STK39: variants seen among roughly 807,000 people sequenced by gnomAD.
The protein encoded by STK39 is serine/threonine kinase 39.
STK39 carries 20 observed loss-of-function variants against 77.8 expected under a neutral mutation model. That is an observed-to-expected ratio of 0.26 (90% confidence interval 0.18 to 0.37). STK39 has a LOEUF of 0.37. Among genes scored for constraint, STK39 ranks in the 10% least tolerant of loss-of-function variants. The probability of loss-of-function intolerance (pLI) is 1.00; values close to 1 mark genes in which losing one functional copy is unlikely to be tolerated. For synonymous variants in STK39, 246 were observed against 234.1 expected (o/e 1.05, Z -0.47); for missense variants, 479 against 656.5 (o/e 0.73, Z 2.95).
intron 14 of STK39, among the ~76,000 whole-genome samples, chr2:168,032,724 A>G (rs1206182453): frequency 2.0e-5 from 3 of 152,256 alleles, no homozygotes; most frequent in Non-Finnish European, 4.4e-5. Flanking sequence ...ACAAAAAAAC[A>G]AAGCAAAACA....
At chr2:168,246,357 G>T (rs936596764) in intron 1 of STK39, among the ~76,000 whole-genome samples, 1 of 152,214 alleles carries the variant, frequency 6.6e-6, no homozygotes, top group Non-Finnish European at 1.5e-5. Context: ...CGAGCCCTGC[G>T]ACTCTGCCAG....
intron 10 of STK39, among the ~76,000 whole-genome samples, chr2:168,109,039 C>A (rs936392081): frequency 2.0e-5 from 3 of 152,124 alleles, no homozygotes; most frequent in Non-Finnish European, 4.4e-5. Flanking sequence ...AGGTTAGGTA[C>A]CTTGCCCTTT....
intron 1 of STK39, among the ~76,000 whole-genome samples, chr2:168,204,711 T>C (rs940328634): frequency 2.0e-5 from 3 of 152,236 alleles, no homozygotes; most frequent in Non-Finnish European, 2.9e-5. Context: ...GTCCCCATGC[T>C]AGAGTCTGAA....
intron 16 of STK39, among the ~76,000 whole-genome samples, chr2:167,997,393 G>A (rs938648973): frequency 1.3e-5 from 2 of 152,102 alleles, no homozygotes; most frequent in African/African-American, 4.8e-5. Context: ...GATTTCAAAA[G>A]GGAAAGAGGG....
chr2:168,246,836 A>AC (rs1690921964), intron 1 of STK39, among the ~76,000 whole-genome samples: 1 of 150,896 alleles, frequency 6.6e-6, no homozygotes, highest in African/African-American at 2.4e-5. Flanking sequence ...CCGCAACCAC[A>AC]CCCCACCCGC....
At chr2:167,996,517 C>T (rs1374324262) in intron 16 of STK39, among the ~76,000 whole-genome samples, 2 of 152,188 alleles carry the variant, frequency 1.3e-5, no homozygotes, top group East Asian at 1.9e-4. Context: ...CATAGCTTAG[C>T]GTCCAGCCCG....
chr2:167,969,928 T>C (rs1379980062), intron 16 of STK39, among the ~76,000 whole-genome samples: 4 of 152,158 alleles, frequency 2.6e-5, no homozygotes, highest in East Asian at 1.9e-4. Flanking sequence ...GGCCTCCTGC[T>C]CCTTCTCTCC....
intron 10 of STK39, among the ~76,000 whole-genome samples, chr2:168,118,330 T>C (rs1282817291): frequency 6.6e-6 from 1 of 152,154 alleles, no homozygotes; most frequent in Non-Finnish European, 1.5e-5. Context: ...CTGGATGTGA[T>C]TTCCAGTAAC....
intron 2 of STK39, among the ~76,000 whole-genome samples, chr2:168,169,096 C>T (rs1330412938): frequency 6.6e-6 from 1 of 152,200 alleles, no homozygotes; most frequent in Non-Finnish European, 1.5e-5. Flanking sequence ...TTTCCTTCAT[C>T]ATTCCCCTCA....
chr2:168,120,224 T>G (rs1321388434), intron 10 of STK39, among the ~76,000 whole-genome samples: 1 of 152,208 alleles, frequency 6.6e-6, no homozygotes, highest in African/African-American at 2.4e-5. Flanking sequence ...CTTTACTGAT[T>G]GTTGTATGGC....
intron 3 of STK39, among the ~76,000 whole-genome samples, chr2:168,165,897 TCTC>T (rs1346255539): frequency 1.3e-5 from 2 of 152,168 alleles, no homozygotes; most frequent in Non-Finnish European, 2.9e-5. Flanking sequence ...AGCAAAATGT[TCTC>T]CTCTGATCCT....
chr2:168,205,787 T>C (rs1689726321), intron 1 of STK39, among the ~76,000 whole-genome samples: 1 of 152,028 alleles, frequency 6.6e-6, no homozygotes, highest in Non-Finnish European at 1.5e-5. Context: ...CACTCCAACC[T>C]GGGCAAGATG....
At chr2:168,079,801 T>A (rs1035077176) in intron 10 of STK39, among the ~76,000 whole-genome samples, 2 of 152,240 alleles carry the variant, frequency 1.3e-5, no homozygotes, top group Non-Finnish European at 2.9e-5. Context: ...ATTCATACAA[T>A]GTTAGGTACT....
intron 5 of STK39, among the ~76,000 whole-genome samples, chr2:168,147,478 T>G (rs1258809911): frequency 6.6e-6 from 1 of 152,230 alleles, no homozygotes; most frequent in Non-Finnish European, 1.5e-5. Flanking sequence ...TTAATTCTGT[T>G]GGGAACAGAC....
chr2:168,240,747 T>C (rs905110263), intron 1 of STK39, among the ~76,000 whole-genome samples: 2 of 152,242 alleles, frequency 1.3e-5, no homozygotes, highest in African/African-American at 4.8e-5. Flanking sequence ...AACACTGGTA[T>C]ACAGTCAGGA....
intron 1 of STK39, among the ~76,000 whole-genome samples, chr2:168,184,017 C>T (rs765391478): frequency 6.6e-6 from 1 of 152,200 alleles, no homozygotes; most frequent in East Asian, 1.9e-4. Flanking sequence ...GGGAAACCAT[C>T]CTCAGCTCTA....
chr2:168,194,829 C>CAA (rs1260311109), intron 1 of STK39, among the ~76,000 whole-genome samples: 1 of 152,108 alleles, frequency 6.6e-6, no homozygotes, highest in African/African-American at 2.4e-5. Flanking sequence ...TCAACCTATA[C>CAA]AAGTTACTGG....
At chr2:168,091,960 A>G (rs372546604) in intron 10 of STK39, among the ~76,000 whole-genome samples, 12 of 152,330 alleles carry the variant, frequency 7.9e-5, no homozygotes, top group African/African-American at 2.6e-4. Flanking sequence ...TTAGAATCTA[A>G]TATCAGTCTA....
Position 168,000,176 on chromosome 2 carries a change from A to T in STK39, c.1498+12458T>A, listed in dbSNP as rs79167248. On this transcript the variant is annotated intron_variant, in intron 16 of 17. Coordinates refer to ENST00000355999, the MANE Select transcript of STK39 (RefSeq NM_013233.3). ...GGATATTTCAGATTATGCCTATAAG[A>T]TTAAACTTACATTTAATTATTGCTA... Among the ~76,000 whole-genome samples the T allele has an allele frequency of 1.0e-3, 156 of 152,354 alleles. 1 individual carries two copies. The East Asian group carries it at 0.023, about 22-fold the overall frequency.
Sources: gnomAD v4.1 joint callset for allele counts (sites outside exome capture counted in the v4.1 genomes callset) on GRCh38, gnomAD v4.1.1 for gene constraint, MANE v1.5 for transcripts, NCBI Gene and HGNC (gene_info 2026-07-23, HGNC 2026-07-21) for gene names.